C1QTNF7: variants seen among roughly 807,000 people sequenced by gnomAD.
C1QTNF7 encodes the protein complement C1q tumor necrosis factor-related protein 7.
In C1QTNF7, 15 loss-of-function variants were observed where a neutral mutation model predicts 19.6. The observed-to-expected ratio is 0.76, with a 90% CI of 0.51 to 1.18. The LOEUF (loss-of-function observed/expected upper bound fraction) is 1.18. Among genes scored for constraint, C1QTNF7 ranks in the 50% most tolerant of loss-of-function variants. C1QTNF7 has a pLI of 0.00. For synonymous variants in C1QTNF7, 142 were observed against 137.5 expected (o/e 1.03, Z -0.23); for missense variants, 324 against 359.7 (o/e 0.90, Z 0.80).
intron 1 of C1QTNF7, among the ~76,000 whole-genome samples, chr4:15,369,081 C>G (rs1002352626): frequency 2.0e-5 from 3 of 152,180 alleles, no homozygotes; most frequent in African/African-American, 7.2e-5. Flanking sequence ...TAGGAAGGGA[C>G]AAAGAACATG....
At chr4:15,436,829 T>C (rs1712558357) in intron 2 of C1QTNF7, among the ~76,000 whole-genome samples, 1 of 152,130 alleles carries the variant, frequency 6.6e-6, no homozygotes, top group Non-Finnish European at 1.5e-5. Context: ...GGACAAAAGA[T>C]AGGAAGGAAA....
At chr4:15,441,683 C>T (rs913405867) in intron 2 of C1QTNF7, among the ~76,000 whole-genome samples, 4 of 152,122 alleles carry the variant, frequency 2.6e-5, no homozygotes, top group Admixed American at 6.5e-5. Flanking sequence ...TAAATTCTGA[C>T]GAAAATTTTC....
rs1718443278 is a variant in C1QTNF7 at position 15,388,801 on chromosome 4, A to G, written c.14-46935A>G. ...ATGTTGGAGAAAGTGACAGGGGATC[A>G]GGAGCTGAAATCTCCAAGAAATGAG... On this transcript the variant is annotated intron_variant, in intron 1 of 2. Transcript: ENST00000295297. 5.3e-5 allele frequency among the ~76,000 whole-genome samples: 8 copies of G among 152,340 alleles called. No homozygotes were observed. In the South Asian group the frequency reaches 1.7e-3, roughly 32 times the overall value.
intron 1 of C1QTNF7, among the ~76,000 whole-genome samples, chr4:15,356,940 GTTGT>G (rs1717165342): frequency 7.2e-6 from 1 of 139,004 alleles, no homozygotes; most frequent in African/African-American, 2.6e-5. Flanking sequence ...TTTTGATAAA[GTTGT>G]TTTTTTTTTT....
chr4:15,374,866 T>A, intron 1 of C1QTNF7: 1 of 587,806 alleles, frequency 1.7e-6, no homozygotes, highest in Non-Finnish European at 2.0e-6. Flanking sequence ...TCTCTCTCTC[T>A]CTCTCTTTTT....
At chr4:15,375,219 G>A (rs189974149) in intron 1 of C1QTNF7, among the ~76,000 whole-genome samples, 1 of 152,134 alleles carries the variant, frequency 6.6e-6, no homozygotes, top group Non-Finnish European at 1.5e-5. Context: ...TTTTAGTAGA[G>A]GAAAAAGAAA....
chr4:15,367,009 A>T (rs189841612), intron 1 of C1QTNF7, among the ~76,000 whole-genome samples: 5 of 152,190 alleles, frequency 3.3e-5, no homozygotes, highest in African/African-American at 9.6e-5. Context: ...AACCATTTAC[A>T]TAGGGGGTGC....
chr4:15,363,595 C>T (rs754381801), intron 1 of C1QTNF7, among the ~76,000 whole-genome samples: 3 of 152,148 alleles, frequency 2.0e-5, no homozygotes, highest in Non-Finnish European at 4.4e-5. Context: ...TGTCCCAACT[C>T]GGTGGGTCAC....
At chr4:15,372,683 T>C (rs1560345884) in intron 1 of C1QTNF7, among the ~76,000 whole-genome samples, 1 of 152,372 alleles carries the variant, frequency 6.6e-6, no homozygotes, top group East Asian at 1.9e-4. Flanking sequence ...CTGATCTTGA[T>C]TCATTTGATC....
upstream of C1QTNF7, among the ~76,000 whole-genome samples, chr4:15,423,274 T>C (rs1339902375): frequency 6.6e-6 from 1 of 151,950 alleles, no homozygotes; most frequent in Non-Finnish European, 1.5e-5. Context: ...CAGTGTGAAA[T>C]TCCCAGTGCA....
chr4:15,420,275 C>T (rs990960854), intron 1 of C1QTNF7, among the ~76,000 whole-genome samples: 1 of 152,202 alleles, frequency 6.6e-6, no homozygotes, highest in African/African-American at 2.4e-5. Context: ...CATCCTGGCA[C>T]TTATTTTCTC....
intron 1 of C1QTNF7, among the ~76,000 whole-genome samples, chr4:15,353,332 A>C (rs1717000250): frequency 6.6e-6 from 1 of 152,188 alleles, no homozygotes; most frequent in Non-Finnish European, 1.5e-5. Flanking sequence ...GTAAGACCAT[A>C]ACAGAGACTG....
At chr4:15,427,038 T>A (rs778206521), upstream of C1QTNF7, among the ~76,000 whole-genome samples, 3 of 152,176 alleles carry the variant, frequency 2.0e-5, no homozygotes, top group Admixed American at 2.0e-4. Flanking sequence ...TATGATGGCA[T>A]TAAGATTTTG....
chr4:15,401,620 G>T (rs1719000777), intron 1 of C1QTNF7, among the ~76,000 whole-genome samples: 1 of 152,170 alleles, frequency 6.6e-6, no homozygotes, highest in Non-Finnish European at 1.5e-5. Flanking sequence ...CACCACCAGA[G>T]AACACAGAGA....
At chr4:15,343,179 T>A (rs1000070684) in intron 1 of C1QTNF7, among the ~76,000 whole-genome samples, 8 of 152,254 alleles carry the variant, frequency 5.3e-5, no homozygotes, top group Non-Finnish European at 4.4e-5. Context: ...GGGTTATTAA[T>A]TAAAATCTAA....
Position 15,442,689 on chromosome 4 carries a change from C to G in C1QTNF7, c.760C>G (p.Gln254Glu), listed in dbSNP as rs757730685. 6.2e-7 allele frequency: 1 copy of G among 1,614,128 alleles called. No homozygotes were observed. Among genetic ancestry groups the G allele is most frequent in the South Asian group, 1.1e-5 (1 of 91,078 alleles). Residue 254 changes from glutamine (Q) to glutamate (E), a missense_variant, in exon 3 of 3, where the codon CAG (glutamine) becomes GAG (glutamate). Gln to Glu is a conservative substitution (Grantham distance 29). Coordinates refer to ENST00000444304, the MANE Select transcript of C1QTNF7 (RefSeq NM_031911.5). Reference protein sequence around the residue: ...EVWLEIFFTDQNGLFSDPGWA... With the variant: ...EVWLEIFFTDENGLFSDPGWA... ...CTGGCTGGAGATTTTCTTCACAGAC[C>G]AGAATGGCCTCTTCTCAGACCCAGG...
intron 1 of C1QTNF7, among the ~76,000 whole-genome samples, chr4:15,356,015 T>C (rs1419752408): frequency 6.6e-6 from 1 of 152,154 alleles, no homozygotes; most frequent in Non-Finnish European, 1.5e-5. Flanking sequence ...TTTTTATTAT[T>C]TTGTAGAGAC....
At chr4:15,359,371 C>T (rs1717258093) in intron 1 of C1QTNF7, among the ~76,000 whole-genome samples, 1 of 152,046 alleles carries the variant, frequency 6.6e-6, no homozygotes, top group African/African-American at 2.4e-5. Flanking sequence ...TGTTGTTGGC[C>T]CTAGGGGTAA....
At chr4:15,439,304 A>T (rs1197498141) in intron 2 of C1QTNF7, among the ~76,000 whole-genome samples, 1 of 152,258 alleles carries the variant, frequency 6.6e-6, no homozygotes, top group East Asian at 1.9e-4. Flanking sequence ...CCAAACTTTC[A>T]GGCCGTGAAG....
Sources: allele counts gnomAD v4.1 joint callset (sites outside exome capture counted in the v4.1 genomes callset), GRCh38; gene constraint gnomAD v4.1.1; transcripts MANE v1.5; gene names NCBI Gene and HGNC (gene_info 2026-07-23, HGNC 2026-07-21).